The following FAT3 variants were observed in gnomAD, a reference collection of about 807,000 sequenced individuals.
FAT3 encodes protocadherin Fat 3.
In FAT3, 95 loss-of-function variants were observed where a neutral mutation model predicts 310.2. The ratio of observed to expected loss-of-function variants is 0.31; its 90% CI spans 0.26 to 0.36. FAT3 has a LOEUF of 0.36. FAT3 is among the 10% of genes least tolerant of loss of function. The probability of loss-of-function intolerance (pLI) is 1.00; values close to 1 mark genes in which losing one functional copy is unlikely to be tolerated. For missense variants in FAT3, 5,408 were observed against 5,715.6 expected (o/e 0.95, Z 1.74); for synonymous variants, 2,314 against 2,192.9 (o/e 1.06, Z -1.54).
chr11:92,631,775 T>A (rs1366525528), intron 3 of FAT3, among the ~76,000 whole-genome samples: 1 of 152,144 alleles, frequency 6.6e-6, no homozygotes, highest in East Asian at 1.9e-4. Flanking sequence ...ATTCTTTTTT[T>A]CCTCAGTAAA....
intron 2 of FAT3, among the ~76,000 whole-genome samples, chr11:92,392,233 C>T (rs901632065): frequency 6.6e-5 from 10 of 152,120 alleles, no homozygotes; most frequent in African/African-American, 2.2e-4. Flanking sequence ...ATTTTCCTAC[C>T]TCTAAGTATC....
chr11:92,387,979 T>C (rs567771752), intron 2 of FAT3, among the ~76,000 whole-genome samples: 1 of 152,294 alleles, frequency 6.6e-6, no homozygotes, highest in East Asian at 1.9e-4. Context: ...CTAAATACAG[T>C]ACAAAGATCT....
At chr11:92,438,219 A>G (rs1439988482) in intron 2 of FAT3, among the ~76,000 whole-genome samples, 2 of 152,248 alleles carry the variant, frequency 1.3e-5, no homozygotes, top group Admixed American at 1.3e-4. Flanking sequence ...ATTTCATGTC[A>G]TCTAGCCATT....
At chr11:92,850,260 C>T (rs1948790482) in intron 19 of FAT3, among the ~76,000 whole-genome samples, 1 of 152,128 alleles carries the variant, frequency 6.6e-6, no homozygotes, top group Non-Finnish European at 1.5e-5. Context: ...AAGAAATACA[C>T]CTCGGCAGAT....
chr11:92,617,068 G>GT (rs1420446906), intron 3 of FAT3, among the ~76,000 whole-genome samples: 1 of 152,190 alleles, frequency 6.6e-6, no homozygotes, highest in Non-Finnish European at 1.5e-5. Context: ...ATCCTGTAGA[G>GT]TGTTTTCCAA....
At position 92,528,384 on chromosome 11, in the gene FAT3, T is replaced by C. The variant is rs547003647; in HGVS notation, c.3607+3436T>C. ...ATCAGGCCGGTGTTCACTTGCCTCT[T>C]TGGGTGAGCAGGAATGTTGCTTCCT... On this transcript the variant is annotated intron_variant, in intron 3 of 27. Coordinates refer to ENST00000525166, the MANE Select transcript of FAT3 (RefSeq NM_001367949.2). Among the ~76,000 whole-genome samples the C allele has an allele frequency of 4.6e-5, 7 of 152,298 alleles. No individual in the cohort carries two copies. The East Asian group carries it at 7.7e-4, about 17-fold the overall frequency.
intron 4 of FAT3, among the ~76,000 whole-genome samples, chr11:92,759,525 G>C (rs913463724): frequency 6.6e-6 from 1 of 152,136 alleles, no homozygotes; most frequent in African/African-American, 2.4e-5. Flanking sequence ...GGACTTAAAG[G>C]GTGAGTAGGC....
intron 1 of FAT3, among the ~76,000 whole-genome samples, chr11:92,327,235 A>AT (rs900420736): frequency 9.9e-5 from 15 of 151,252 alleles, no homozygotes; most frequent in Middle Eastern, 3.4e-3. Flanking sequence ...ATTCCCTTTT[A>AT]TTTTTTTTTC....
intron 24 of FAT3, among the ~76,000 whole-genome samples, chr11:92,886,138 C>A (rs548523711): frequency 2.0e-5 from 3 of 152,312 alleles, no homozygotes; most frequent in South Asian, 4.1e-4. Context: ...GAATTCACCT[C>A]AGGCCAAAAC....
intron 2 of FAT3, among the ~76,000 whole-genome samples, chr11:92,370,654 C>T (rs1274701009): frequency 6.6e-6 from 1 of 152,202 alleles, no homozygotes; most frequent in Non-Finnish European, 1.5e-5. Flanking sequence ...CACATGTACT[C>T]TTTCTTTCAT....
intron 2 of FAT3, among the ~76,000 whole-genome samples, chr11:92,513,898 G>A (rs1373927377): frequency 6.6e-6 from 1 of 152,134 alleles, no homozygotes; most frequent in Non-Finnish European, 1.5e-5. Context: ...AGGTTGTTTG[G>A]AGCTGTTGTG....
intron 2 of FAT3, among the ~76,000 whole-genome samples, chr11:92,396,734 T>C (rs1370973489): frequency 1.3e-5 from 2 of 152,130 alleles, no homozygotes; most frequent in Admixed American, 1.3e-4. Flanking sequence ...GAGATGGACT[T>C]TCATTCTTGT....
intron 2 of FAT3, among the ~76,000 whole-genome samples, chr11:92,463,347 A>G (rs1951681164): frequency 6.6e-6 from 1 of 152,188 alleles, no homozygotes; most frequent in Non-Finnish European, 1.5e-5. Flanking sequence ...CATAGTGTTT[A>G]GAATTGCTGG....
intron 1 of FAT3, among the ~76,000 whole-genome samples, chr11:92,229,487 T>C (rs1008074595): frequency 7.3e-6 from 1 of 137,604 alleles, no homozygotes; most frequent in African/African-American, 2.7e-5. Context: ...TTTTTGTTTT[T>C]TCGTGTTTTT....
At chr11:92,691,127 T>C (rs1454633150) in intron 3 of FAT3, among the ~76,000 whole-genome samples, 5 of 152,236 alleles carry the variant, frequency 3.3e-5, no homozygotes, top group African/African-American at 1.2e-4. Flanking sequence ...GGAAGAAGAC[T>C]AATGATCTTC....
chr11:92,648,763 A>G (rs1267220882), intron 3 of FAT3, among the ~76,000 whole-genome samples: 1 of 152,200 alleles, frequency 6.6e-6, no homozygotes, highest in African/African-American at 2.4e-5. Context: ...CCAGGATTCA[A>G]CAAACCATTG....
At chr11:92,261,467 G>C (rs1865551682) in intron 1 of FAT3, among the ~76,000 whole-genome samples, 1 of 152,230 alleles carries the variant, frequency 6.6e-6, no homozygotes, top group East Asian at 1.9e-4. Context: ...CTGTGCTGTA[G>C]GGTAAGATAT....
intron 3 of FAT3, among the ~76,000 whole-genome samples, chr11:92,619,161 G>A (rs980535119): frequency 2.6e-5 from 4 of 152,110 alleles, no homozygotes; most frequent in African/African-American, 9.7e-5. Flanking sequence ...TAGATGTTAA[G>A]CCAACTTTGT....
At chr11:92,293,183 C>A (rs143693392) in intron 1 of FAT3, among the ~76,000 whole-genome samples, 2 of 151,428 alleles carry the variant, frequency 1.3e-5, no homozygotes, top group African/African-American at 4.8e-5. Flanking sequence ...CTCCCTGAGC[C>A]TTTTTGGTTT....
Sources: gnomAD v4.1 joint callset for allele counts (sites outside exome capture counted in the v4.1 genomes callset) on GRCh38, gnomAD v4.1.1 for gene constraint, MANE v1.5 for transcripts, NCBI Gene and HGNC (gene_info 2026-07-23, HGNC 2026-07-21) for gene names.